STIM2: variants seen among roughly 807,000 people sequenced by gnomAD.
STIM2 encodes the protein stromal interaction molecule 2.
Under a neutral mutation model 85.8 loss-of-function variants are expected in STIM2, and 31 were observed. That is an observed-to-expected ratio of 0.36 (90% CI 0.27 to 0.49). STIM2 has a LOEUF of 0.49. STIM2 is among the 20% of genes least tolerant of loss of function. STIM2 has a pLI of 0.98. For missense variants in STIM2, 841 were observed against 927.6 expected, an observed-to-expected ratio of 0.91 and a Z score of 1.21; for synonymous variants, 356 against 331.1, an observed-to-expected ratio of 1.08 and a Z score of -0.82.
intron 2 of STIM2, among the ~76,000 whole-genome samples, chr4:26,930,539 T>A (rs376598765): frequency 1.4e-4 from 22 of 152,296 alleles, no homozygotes; most frequent in African/African-American, 4.6e-4. Context: ...GACCTACTTA[T>A]CTGAAAAGTC....
chr4:26,984,359 A>T (rs10010180), intron 3 of STIM2, among the ~76,000 whole-genome samples: 7 of 151,836 alleles, frequency 4.6e-5, no homozygotes, highest in African/African-American at 7.3e-5. Context: ...TATTTCTCCA[A>T]TTTTTTTTGT....
intron 1 of STIM2, among the ~76,000 whole-genome samples, chr4:26,880,174 CA>C (rs1722951837): frequency 6.6e-6 from 1 of 152,198 alleles, no homozygotes; most frequent in Non-Finnish European, 1.5e-5. Flanking sequence ...TCCATCTACC[CA>C]GCTTCCTTTC....
At position 27,023,164 on chromosome 4, in the gene STIM2, G is replaced by C; in HGVS notation, c.*168G>C. 1 of 649,230 alleles carries C rather than the reference G, an allele frequency of 1.5e-6. No individual in the cohort carries two copies. Among genetic ancestry groups the C allele is most frequent in the Non-Finnish European group, 2.7e-6 (1 of 371,262 alleles). The allele number at this position is 649,230 out of a possible 1,614,324, so 40.2% of individuals were successfully genotyped here. ...CCAGAAGGGCAACTGTCTACTGTCT[G>C]CTTATTTAAGTGACTATATATAATC... On this transcript the variant is annotated 3_prime_UTR_variant, in exon 12 of 12. Transcript: ENST00000467087.
chr4:26,874,450 A>T (rs1414640035), intron 1 of STIM2: 1 of 177,850 alleles, frequency 5.6e-6, no homozygotes, highest in Non-Finnish European at 1.2e-5. Context: ...ACTGTGGCAC[A>T]TCTTTATTGG....
At chr4:27,009,170 A>G (rs889186863) in intron 10 of STIM2, among the ~76,000 whole-genome samples, 168 bp downstream of exon 10, 2 of 152,188 alleles carry the variant, frequency 1.3e-5, no homozygotes, top group African/African-American at 4.8e-5. Context: ...TGAGAATACC[A>G]TATGCAATGC....
chr4:26,895,097 A>C (rs979522188), intron 1 of STIM2, among the ~76,000 whole-genome samples: 1 of 152,246 alleles, frequency 6.6e-6, no homozygotes, highest in Admixed American at 6.5e-5. Flanking sequence ...CTGAAATCTC[A>C]GCTATCCAGG....
At chr4:26,915,016 C>G (rs930356278) in intron 1 of STIM2, among the ~76,000 whole-genome samples, 1 of 152,160 alleles carries the variant, frequency 6.6e-6, no homozygotes, top group African/African-American at 2.4e-5. Context: ...GTTCGTTATA[C>G]TGACACTTGA....
intron 1 of STIM2, among the ~76,000 whole-genome samples, chr4:26,887,508 A>G (rs1369971842): frequency 6.6e-6 from 1 of 152,132 alleles, no homozygotes; most frequent in Non-Finnish European, 1.5e-5. Context: ...GCTCCTGAAC[A>G]ACTTTTCCAT....
At chr4:26,921,966 A>G (rs1724814929) in intron 2 of STIM2, among the ~76,000 whole-genome samples, 1 of 152,184 alleles carries the variant, frequency 6.6e-6, no homozygotes, top group African/African-American at 2.4e-5. Context: ...AAGTAGATCA[A>G]TTTATTTATT....
Position 26,885,859 on chromosome 4 carries a change from A to ATATATATATATATG in STIM2, c.151+24503_151+24504insGTATATATATATAT, listed in dbSNP as rs1560194662. Among the ~76,000 whole-genome samples the ATATATATATATATG allele has an allele frequency of 5.4e-3, 482 of 89,396 alleles. 23 individuals carry two copies. The highest frequency in any genetic ancestry group is 9.1e-3 in the Non-Finnish European group (401 of 44,004). 58.6% of individuals were successfully genotyped at this position (89,396 alleles called of 152,430 possible). A position where few individuals can be genotyped will look rare whatever the true frequency, so the allele number is the denominator to read the frequency against. ...TATATATATATATATATATATATAT[A>ATATATATATATATG]TATATATATATATATGTATATGTCT... On this transcript the variant is annotated intron_variant, in intron 1 of 11. Coordinates refer to ENST00000467087, the MANE Select transcript of STIM2 (RefSeq NM_020860.4).
chr4:26,880,605 A>G (rs916522761), intron 1 of STIM2, among the ~76,000 whole-genome samples: 1 of 146,908 alleles, frequency 6.8e-6, no homozygotes, highest in Non-Finnish European at 1.5e-5. Flanking sequence ...ACCTTCATAT[A>G]TATAAATATA....
intron 1 of STIM2, among the ~76,000 whole-genome samples, chr4:26,900,652 A>G (rs1302730249): frequency 3.3e-5 from 5 of 152,224 alleles, no homozygotes. Context: ...GAAACTTCCA[A>G]GCTAATTGTT....
intron 3 of STIM2, among the ~76,000 whole-genome samples, chr4:26,985,468 A>G (rs1198436218): frequency 2.0e-5 from 3 of 152,236 alleles, no homozygotes; most frequent in Non-Finnish European, 4.4e-5. Flanking sequence ...GGTATTTTAT[A>G]TAAACATTCC....
At chr4:26,878,302 C>T (rs1200259570) in intron 1 of STIM2, among the ~76,000 whole-genome samples, 3 of 152,084 alleles carry the variant, frequency 2.0e-5, no homozygotes. Flanking sequence ...CTAATCTTTC[C>T]CCTCCCATGG....
chr4:26,999,139 G>T (rs534712074), intron 4 of STIM2, 93 bp from the exon 5 acceptor site: 1 of 446,808 alleles, frequency 2.2e-6, no homozygotes, highest in African/African-American at 2.1e-5. Context: ...TATGTAAAGT[G>T]TTAAATGTGT....
chr4:26,884,209 G>T (rs767332923), intron 1 of STIM2, among the ~76,000 whole-genome samples: 4 of 152,192 alleles, frequency 2.6e-5, no homozygotes, highest in Middle Eastern at 6.3e-3. Context: ...GAGACTGTGT[G>T]TGCCTGGTTA....
intron 1 of STIM2, among the ~76,000 whole-genome samples, chr4:26,893,958 A>C (rs1227657414): frequency 2.0e-5 from 3 of 152,024 alleles, no homozygotes; most frequent in Non-Finnish European, 4.4e-5. Context: ...GCGTGATCTC[A>C]GCTCACTGCA....
rs1391001281 is a variant in STIM2 at position 27,023,068 on chromosome 4, C to T, written c.*72C>T. On this transcript the variant is annotated 3_prime_UTR_variant, in exon 12 of 12. Coordinates refer to ENST00000467087, the MANE Select transcript of STIM2 (RefSeq NM_020860.4). The stretch of plus-strand genomic sequence containing the variant: ...TTATCCCCCACCCTCCACTCCCCAC[C>T]TTTTTTTTGGTTTAATTTTAGGAAT... 7 of 1,423,444 alleles carry T rather than the reference C, an allele frequency of 4.9e-6. No homozygotes were observed. The highest frequency in any genetic ancestry group is 6.6e-6 in the Non-Finnish European group (7 of 1,054,868). The allele number at this position is 1,423,444 out of a possible 1,614,324, so 88.2% of individuals were successfully genotyped here.
At position 26,910,207 on chromosome 4, in the gene STIM2, A is replaced by G. The variant is rs138225399; in HGVS notation, c.152-9297A>G. The stretch of plus-strand genomic sequence containing the variant: ...AAACATCATTGTTTTCTAGGAATTT[A>G]CAGTATAAAACAGTAGAGAAAATTA... On this transcript the variant is annotated intron_variant, in intron 1 of 11. Transcript: ENST00000467087. 7.2e-5 allele frequency among the ~76,000 whole-genome samples: 11 copies of G among 152,294 alleles called. No homozygotes were observed. The East Asian group carries it at 9.6e-4, about 13-fold the overall frequency.
Sources: allele counts gnomAD v4.1 joint callset (sites outside exome capture counted in the v4.1 genomes callset), GRCh38; gene constraint gnomAD v4.1.1; transcripts MANE v1.5; gene names NCBI Gene and HGNC (gene_info 2026-07-23, HGNC 2026-07-21).